Variants in CNNM4 observed in about 807,000 individuals in gnomAD.
CNNM4 encodes the protein metal transporter CNNM4.
A neutral mutation model predicts 53.7 loss-of-function variants in CNNM4; 32 were observed. That is an observed-to-expected ratio of 0.60 (90% CI 0.45 to 0.80). The LOEUF is 0.80. CNNM4 is among the 30% of genes least tolerant of loss of function. The probability of loss-of-function intolerance (pLI) is 0.00; values close to 1 mark genes in which losing one functional copy is unlikely to be tolerated. For synonymous variants in CNNM4, 410 were observed against 440.0 expected, an observed-to-expected ratio of 0.93 and a Z score of 0.85; for missense variants, 784 against 1,022.0, an observed-to-expected ratio of 0.77 and a Z score of 3.17.
intron 1 of CNNM4, among the ~76,000 whole-genome samples, chr2:96,785,597 C>T (rs2079009969): frequency 6.6e-6 from 1 of 152,012 alleles, no homozygotes. Flanking sequence ...TGTCACTCTG[C>T]ACTCCAGCCT....
chr2:96,797,699 A>G lies in CNNM4; in HGVS notation c.1681+52A>G. On this transcript the variant is annotated intron_variant, in intron 3 of 6. Transcript: ENST00000377075. This position sits in a 1 kb window ranked among gnomAD's most constrained non-coding sequence, Gnocchi z 6.0. ...TGGTGGAAATACGGTCACGGGGGAG[A>G]AGTCCTGGGTTTCCGGCTGCTTTCC... 6.2e-7 allele frequency: 1 copy of G among 1,607,972 alleles called. No homozygotes were observed. Among genetic ancestry groups the G allele is most frequent in the Non-Finnish European group, 8.5e-7 (1 of 1,179,268 alleles).
intron 1 of CNNM4, among the ~76,000 whole-genome samples, chr2:96,767,139 G>A (rs1250460758): frequency 6.6e-6 from 1 of 152,156 alleles, no homozygotes; most frequent in East Asian, 1.9e-4. Flanking sequence ...AGAGGTAGGG[G>A]CCGAGTGTCC....
At chr2:96,767,528 C>A (rs190350150) in intron 1 of CNNM4, among the ~76,000 whole-genome samples, 61 of 152,330 alleles carry the variant, frequency 4.0e-4, no homozygotes, top group Non-Finnish European at 8.2e-4. Flanking sequence ...TCTGCACCCC[C>A]CTTGCAGCCC....
At chr2:96,783,760 G>A (rs2078993864) in intron 1 of CNNM4, among the ~76,000 whole-genome samples, 1 of 152,156 alleles carries the variant, frequency 6.6e-6, no homozygotes. Flanking sequence ...GCAAAAACGG[G>A]GAGAAGGCAC....
At chr2:96,803,906 G>C (rs1216578774) in intron 5 of CNNM4, among the ~76,000 whole-genome samples, 1 of 151,860 alleles carries the variant, frequency 6.6e-6, no homozygotes, top group Non-Finnish European at 1.5e-5. Flanking sequence ...TTTTTTGTTT[G>C]TTTGTTTTAA....
chr2:96,774,960 CAAAAAAAAAAAAAAAAAAAAA>C (rs56997097), intron 1 of CNNM4, among the ~76,000 whole-genome samples: 43 of 17,688 alleles, frequency 2.4e-3, no homozygotes, highest in Admixed American at 0.014. Context: ...GACTCCATCT[CAAAAAAAAAAAAAAAAAAAAA>C]AAAAAAAAAA....
Position 96,760,927 on chromosome 2 carries a change from C to G in CNNM4, c.-73C>G. 2.4e-6 allele frequency: 2 copies of G among 842,398 alleles called. No individual in the cohort carries two copies. Among genetic ancestry groups the G allele is most frequent in the South Asian group, 5.2e-5 (1 of 19,316 alleles). 52.2% of individuals were successfully genotyped at this position (842,398 alleles called of 1,614,324 possible). A position where few individuals can be genotyped will look rare whatever the true frequency, so the allele number is the denominator to read the frequency against. On this transcript the variant is annotated 5_prime_UTR_variant, in exon 1 of 7. Coordinates refer to ENST00000377075, the MANE Select transcript of CNNM4 (RefSeq NM_020184.4). The stretch of plus-strand genomic sequence containing the variant: ...AGTTGGCTCGGCGGCAGCGGAGCGG[C>G]CGGAGCTGCGGTGCGGACCGGGGCC...
chr2:96,766,653 T>C (rs543661805), intron 1 of CNNM4, among the ~76,000 whole-genome samples: 2 of 152,356 alleles, frequency 1.3e-5, no homozygotes, highest in South Asian at 4.1e-4. Flanking sequence ...TGTTGTCTAC[T>C]GTCTGTCTCC....
At position 96,761,841 on chromosome 2, in the gene CNNM4, T is replaced by A; in HGVS notation, c.842T>A (p.Ile281Asn). 1.9e-6 allele frequency: 3 copies of A among 1,614,152 alleles called. No individual in the cohort carries two copies. The highest frequency in any genetic ancestry group is 2.5e-6 in the Non-Finnish European group (3 of 1,180,018). The change falls in exon 1 of 7, where the codon ATC (isoleucine) becomes AAC (asparagine). Residue 281 changes from isoleucine (I) to asparagine (N), a missense_variant. Physicochemically the swap from Ile to Asn is moderately radical, Grantham distance 149. This residue lies in a region of CNNM4 where 473 missense variants were observed against 624.6 expected (regional missense o/e 0.76). Coordinates refer to ENST00000377075, the MANE Select transcript of CNNM4 (RefSeq NM_020184.4). This position sits in a 1 kb window ranked among gnomAD's most constrained non-coding sequence, Gnocchi z 6.0. ...AVASSTIGIVIFGEILPQALC... is the reference protein window; with the variant it reads ...AVASSTIGIVNFGEILPQALC... ...GCCTCCTCCACCATTGGCATTGTCA[T>A]CTTTGGGGAGATCCTACCTCAGGCC...
Position 96,761,807 on chromosome 2 carries a change from A to G in CNNM4, c.808A>G (p.Met270Val), listed in dbSNP as rs2078766957. 6.2e-7 allele frequency: 1 copy of G among 1,613,918 alleles called. No homozygotes were observed. Among genetic ancestry groups the G allele is most frequent in the African/African-American group, 1.3e-5 (1 of 75,030 alleles). ...LLDNLIGSGL[M>V]AVASSTIGIV... ...AGACAACCTCATCGGGTCCGGCCTC[A>G]TGGCGGTGGCCTCCTCCACCATTGG... is the stretch of plus-strand genomic sequence containing the variant. The change falls in exon 1 of 7, where the codon ATG becomes GTG. Residue 270 changes from methionine to valine, a missense_variant. This residue lies in a region of CNNM4 where 473 missense variants were observed against 624.6 expected (regional missense o/e 0.76). Transcript: ENST00000377075. The surrounding 1 kb of genome is among the most constrained non-coding windows in gnomAD (Gnocchi z 6.0).
intron 1 of CNNM4, among the ~76,000 whole-genome samples, chr2:96,772,663 G>A (rs562034085): frequency 5.3e-5 from 3 of 56,852 alleles, no homozygotes; most frequent in East Asian, 5.6e-4. Flanking sequence ...ACACACATGC[G>A]TGCACACACA....
At chr2:96,776,328 G>A (rs1040885654) in intron 1 of CNNM4, among the ~76,000 whole-genome samples, 5 of 151,078 alleles carry the variant, frequency 3.3e-5, no homozygotes, top group African/African-American at 4.9e-5. Context: ...GCACCCGGCC[G>A]CCATTGTGTT....
rs983799205 is a variant in CNNM4 at position 96,775,721 on chromosome 2, G to GTTTTGTTTTTGTTTTGT, written c.1402+13338_1402+13354dup. On this transcript the variant is annotated intron_variant, in intron 1 of 6. Coordinates refer to ENST00000377075, the MANE Select transcript of CNNM4 (RefSeq NM_020184.4). ...TGTGTGCATGGTTGTGTCTCACTGT[G>GTTTTGTTTTTGTTTTGT]TTTTGTTTTTGTTTTGTTTTTGTTT... is the stretch of plus-strand genomic sequence containing the variant. 5.0e-4 allele frequency among the ~76,000 whole-genome samples: 76 copies of GTTTTGTTTTTGTTTTGT among 151,908 alleles called. 1 individual carries two copies. Among genetic ancestry groups the GTTTTGTTTTTGTTTTGT allele is most frequent in the Admixed American group, 4.0e-3 (61 of 15,240 alleles).
At chr2:96,776,327 C>T (rs1218380875) in intron 1 of CNNM4, among the ~76,000 whole-genome samples, 2 of 151,964 alleles carry the variant, frequency 1.3e-5, no homozygotes, top group East Asian at 1.9e-4. Context: ...TGCACCCGGC[C>T]GCCATTGTGT....
At chr2:96,799,711 C>A (rs903169018) in intron 5 of CNNM4, 63 bp downstream of exon 5, 2 of 1,324,196 alleles carry the variant, frequency 1.5e-6, no homozygotes, top group African/African-American at 1.5e-5. Flanking sequence ...AGCCATGGAC[C>A]GACACCAGAA....
intron 1 of CNNM4, among the ~76,000 whole-genome samples, chr2:96,781,584 C>T (rs953888409): frequency 3.3e-5 from 5 of 152,228 alleles, no homozygotes; most frequent in African/African-American, 1.2e-4. Context: ...GCTTCATGCC[C>T]TCTGCCTGTG....
At chr2:96,768,256 C>T (rs1048581998) in intron 1 of CNNM4, among the ~76,000 whole-genome samples, 10 of 152,214 alleles carry the variant, frequency 6.6e-5, no homozygotes, top group Non-Finnish European at 1.0e-4. Flanking sequence ...ATCCTCCACA[C>T]CCCACCCTCC....
At chr2:96,790,784 G>GA (rs893677945) in intron 1 of CNNM4, among the ~76,000 whole-genome samples, 1 of 151,100 alleles carries the variant, frequency 6.6e-6, no homozygotes, top group Non-Finnish European at 1.5e-5. Flanking sequence ...GGGAGTTAGA[G>GA]ACCAGCCTAG....
chr2:96,806,111 G>A (rs1173374331), intron 5 of CNNM4, among the ~76,000 whole-genome samples: 3 of 145,286 alleles, frequency 2.1e-5, no homozygotes, highest in South Asian at 4.2e-4. Context: ...CGGAGGGGGC[G>A]GCTGGCCGGG....
Sources: gnomAD v4.1 joint callset for allele counts (sites outside exome capture counted in the v4.1 genomes callset) on GRCh38, gnomAD v4.1.1 for gene constraint, gnomAD v4.1.1 regional missense constraint, Gnocchi (gnomAD v3.1) non-coding constraint, MANE v1.5 for transcripts, NCBI Gene and HGNC (gene_info 2026-07-23, HGNC 2026-07-21) for gene names.